CALHM4: variants seen among roughly 807,000 people sequenced by gnomAD.
CALHM4 encodes calcium homeostasis modulator family member 4.
A neutral mutation model predicts 13.3 loss-of-function variants in CALHM4; 16 were observed. The observed-to-expected ratio is 1.20, with a 90% confidence interval of 0.81 to 1.82. CALHM4 has a LOEUF of 1.82. Among genes scored for constraint, CALHM4 ranks in the 40% most tolerant of loss-of-function variants. The pLI, the probability that CALHM4 is intolerant of heterozygous loss-of-function variation, is 0.00. For missense variants in CALHM4, 344 were observed against 374.9 expected (o/e 0.92, Z 0.68); for synonymous variants, 127 against 137.1 (o/e 0.93, Z 0.52).
Position 116,540,546 on chromosome 6 carries a change from T to C in CALHM4, c.-108-3219T>C, listed in dbSNP as rs1773386066. On this transcript the variant is annotated intron_variant, in intron 1 of 2. Transcript: ENST00000368597. ...GTTTTTAAGAAGCGATTTGTGTGTTTAGCACTTGTGCAAGTGAATCACAAA... is the reference window on the plus strand; with the variant it reads ...GTTTTTAAGAAGCGATTTGTGTGTTCAGCACTTGTGCAAGTGAATCACAAA... 4.4e-6 allele frequency: 6 copies of C among 1,363,540 alleles called. No homozygotes were observed. The East Asian group carries it at 1.3e-4, about 28-fold the overall frequency. 84.5% of individuals were successfully genotyped at this position (1,363,540 alleles called of 1,614,324 possible).
chr6:116,555,462 C>T (rs1774268400), intron 1 of CALHM4, among the ~76,000 whole-genome samples: 2 of 152,090 alleles, frequency 1.3e-5, no homozygotes, highest in Admixed American at 6.6e-5. Context: ...GTTCTGAGTA[C>T]CATTGCCAGT....
chr6:116,560,852 T>C lies in CALHM4; in HGVS notation c.*2641T>C, dbSNP rs1774561564. ...TGCTTTTGGCTACCACATCAAACCCTGGAGCTTGACATATATAAACCTGCT... is the reference window on the plus strand; with the variant it reads ...TGCTTTTGGCTACCACATCAAACCCCGGAGCTTGACATATATAAACCTGCT... On this transcript the variant is annotated 3_prime_UTR_variant, in exon 2 of 2. Coordinates refer to ENST00000368596, the MANE Select transcript of CALHM4 (RefSeq NM_001366078.2). Among the ~76,000 whole-genome samples, 1 of 152,218 alleles carries C rather than the reference T, an allele frequency of 6.6e-6. No individual in the cohort carries two copies. The highest frequency in any genetic ancestry group is 1.5e-5 in the Non-Finnish European group (1 of 68,032).
At chr6:116,547,775 G>A (rs913635996) in intron 2 of CALHM4, among the ~76,000 whole-genome samples, 5 of 152,190 alleles carry the variant, frequency 3.3e-5, no homozygotes, top group Non-Finnish European at 7.4e-5. Flanking sequence ...TAATGCATAA[G>A]CAAAGTTTTT....
chr6:116,560,662 G>T lies in CALHM4; in HGVS notation c.*2451G>T, dbSNP rs774383718. Among the ~76,000 whole-genome samples the T allele has an allele frequency of 3.3e-5, 4 of 122,288 alleles. No homozygotes were observed. Among genetic ancestry groups the T allele is most frequent in the East Asian group, 2.8e-4 (1 of 3,510 alleles). The allele number at this position is 122,288 out of a possible 152,430, so 80.2% of individuals were successfully genotyped here. ...ATTTTTAGTATTTTGGGGGGGGGGGGGGCTATGGTCTATAGCATTTTTTTG... is the reference window on the plus strand; with the variant it reads ...ATTTTTAGTATTTTGGGGGGGGGGGTGGCTATGGTCTATAGCATTTTTTTG... On this transcript the variant is annotated 3_prime_UTR_variant, in exon 2 of 2. Transcript: ENST00000368596.
Position 116,558,049 on chromosome 6 carries a change from C to T in CALHM4, c.783C>T (p.Val261=). Reference sequence around the variant, plus strand: ...GCTTCATTCCCGGGAGTGAAGACGTCAAACACATCCGCATTCCTTCTTGTC... The same window carrying T: ...GCTTCATTCCCGGGAGTGAAGACGTTAAACACATCCGCATTCCTTCTTGTC... ...LFGFIPGSED[V]KHIRIPSCQD... The change falls in exon 2 of 2, where the codon GTC becomes GTT. Residue 261 remains valine, a synonymous_variant. Coordinates refer to ENST00000368596, the MANE Select transcript of CALHM4 (RefSeq NM_001366078.2). The T allele has an allele frequency of 6.2e-7, 1 of 1,614,156 alleles. No homozygotes were observed. The highest frequency in any genetic ancestry group is 8.5e-7 in the Non-Finnish European group (1 of 1,180,016).
intron 1 of CALHM4, among the ~76,000 whole-genome samples, chr6:116,538,221 T>C (rs1478704264): frequency 1.3e-5 from 2 of 152,198 alleles, no homozygotes; most frequent in Non-Finnish European, 2.9e-5. Flanking sequence ...GCGCTAATAA[T>C]AGACAGTAAG....
At chr6:116,530,550 T>A (rs942631647) in intron 1 of CALHM4, among the ~76,000 whole-genome samples, 2 of 152,140 alleles carry the variant, frequency 1.3e-5, no homozygotes, top group Non-Finnish European at 2.9e-5. Context: ...TTGGAGAATT[T>A]AGTTATCTCC....
Position 116,545,622 on chromosome 6 carries a change from G to A in CALHM4, c.-1+1750G>A, listed in dbSNP as rs572000884. Reference sequence around the variant, plus strand: ...GTTTTGTTTTTGTAAGCTCTTCCTCGCTTTGAGACAGGAGTGCTGCTTCTG... The same window carrying A: ...GTTTTGTTTTTGTAAGCTCTTCCTCACTTTGAGACAGGAGTGCTGCTTCTG... On this transcript the variant is annotated intron_variant, in intron 2 of 2. Coordinates refer to the CALHM4 transcript ENST00000368597. 4.6e-5 allele frequency: 45 copies of A among 985,792 alleles called. No individual in the cohort carries two copies. In the African/African-American group the frequency reaches 6.1e-4, roughly 13 times the overall value. The allele number at this position is 985,792 out of a possible 1,614,324, so 61.1% of individuals were successfully genotyped here.
intron 2 of CALHM4, among the ~76,000 whole-genome samples, chr6:116,544,233 A>C (rs750375942): frequency 1.3e-4 from 20 of 151,966 alleles, no homozygotes; most frequent in Admixed American, 1.3e-4. Flanking sequence ...TGAAAAAGAG[A>C]AAAGTAGAAA....
upstream of CALHM4, chr6:116,553,624 A>G (rs1774175770): frequency 4.6e-6 from 3 of 646,470 alleles, no homozygotes; most frequent in Admixed American, 9.0e-5. Flanking sequence ...ATCTGAGCTC[A>G]GGGTTTTCAA....
upstream of CALHM4, among the ~76,000 whole-genome samples, chr6:116,549,022 C>T (rs1364098277): frequency 6.6e-6 from 1 of 152,162 alleles, no homozygotes; most frequent in Admixed American, 6.5e-5. Flanking sequence ...TGGTGGTTCA[C>T]GTCTGTAATC....
upstream of CALHM4, among the ~76,000 whole-genome samples, chr6:116,549,436 A>G (rs1267938190): frequency 6.6e-6 from 1 of 152,212 alleles, no homozygotes; most frequent in Non-Finnish European, 1.5e-5. Context: ...ATTATGAGGT[A>G]CATGGATAGA....
intron 1 of CALHM4, among the ~76,000 whole-genome samples, chr6:116,530,639 C>T (rs1023867745): frequency 1.3e-5 from 2 of 152,104 alleles, no homozygotes. Flanking sequence ...AAAATATTTA[C>T]TTTGCATTAA....
chr6:116,534,509 A>C (rs1204665490), intron 1 of CALHM4, among the ~76,000 whole-genome samples: 1 of 152,208 alleles, frequency 6.6e-6, no homozygotes, highest in South Asian at 2.1e-4. Flanking sequence ...GTGTACACTC[A>C]ACTCTAATCT....
At chr6:116,535,947 G>T (rs1471163137) in intron 1 of CALHM4, among the ~76,000 whole-genome samples, 1 of 152,144 alleles carries the variant, frequency 6.6e-6, no homozygotes, top group Non-Finnish European at 1.5e-5. Flanking sequence ...ATAGATGATA[G>T]ATGTTCTTTT....
At chr6:116,542,332 A>T (rs1056882999) in intron 1 of CALHM4, among the ~76,000 whole-genome samples, 8 of 152,076 alleles carry the variant, frequency 5.3e-5, no homozygotes, top group African/African-American at 1.9e-4. Context: ...ATAAATTATA[A>T]TTTTTTTAAA....
intron 2 of CALHM4, among the ~76,000 whole-genome samples, chr6:116,545,106 C>T (rs1180727879): frequency 6.7e-6 from 1 of 150,326 alleles, no homozygotes; most frequent in South Asian, 2.1e-4. Flanking sequence ...TATATACACA[C>T]ATATATATAT....
chr6:116,546,369 G>A (rs187476806), intron 2 of CALHM4, among the ~76,000 whole-genome samples: 5 of 152,346 alleles, frequency 3.3e-5, no homozygotes, highest in Admixed American at 2.6e-4. Flanking sequence ...ACTGCAGGGT[G>A]CAGAGTAGGA....
intron 1 of CALHM4, chr6:116,543,416 T>C: frequency 6.5e-7 from 1 of 1,536,882 alleles, no homozygotes; most frequent in Non-Finnish European, 8.8e-7. Flanking sequence ...GAAAAAGGGG[T>C]AGTTTCTGGT....
Sources: gnomAD v4.1 joint callset for allele counts (sites outside exome capture counted in the v4.1 genomes callset) on GRCh38, gnomAD v4.1.1 for gene constraint, MANE v1.5 for transcripts, NCBI Gene and HGNC (gene_info 2026-07-23, HGNC 2026-07-21) for gene names.